TRIM2: variants seen among roughly 807,000 people sequenced by gnomAD.
The protein encoded by TRIM2 is tripartite motif-containing protein 2.
Under a neutral mutation model 75.2 loss-of-function variants are expected in TRIM2, and 20 were observed. The ratio of observed to expected loss-of-function variants is 0.27; its 90% confidence interval spans 0.19 to 0.39. The LOEUF (loss-of-function observed/expected upper bound fraction) is 0.39, where lower values mean the gene tolerates loss of function less well. Ranked by LOEUF, TRIM2 falls within the 10% of genes least tolerant of loss-of-function variation. TRIM2 has a pLI of 1.00. For synonymous variants in TRIM2, 373 were observed against 388.3 expected, an observed-to-expected ratio of 0.96 and a Z score of 0.46; for missense variants, 660 against 990.8, an observed-to-expected ratio of 0.67 and a Z score of 4.48.
intron 1 of TRIM2, among the ~76,000 whole-genome samples, chr4:153,183,687 T>C (rs1310184056): frequency 6.6e-6 from 1 of 152,126 alleles, no homozygotes; most frequent in Non-Finnish European, 1.5e-5. Flanking sequence ...GATCAGTGTA[T>C]CTGAGTTTGT....
chr4:153,334,382 C>CT (rs1161725031), intron 11 of TRIM2, among the ~76,000 whole-genome samples: 106 of 137,316 alleles, frequency 7.7e-4, no homozygotes, highest in African/African-American at 8.3e-4. Flanking sequence ...TTTTGTTTTG[C>CT]TTTTTTTTTT....
chr4:153,315,954 T>C lies in TRIM2; in HGVS notation c.1737T>C (p.Tyr579=). The change falls in exon 8 of 12, where the codon TAT becomes TAC. Residue 579 remains tyrosine, a synonymous_variant. Coordinates refer to ENST00000338700, the MANE Select transcript of TRIM2 (RefSeq NM_015271.5). ...HPSGDIIIAD[Y]DNKWVSIFSS... is the part of the protein sequence containing the mutation. ...GTGGGGACATAATCATTGCCGATTA[T>C]GATAATAAATGGGTCAGCATTTTCT... 1 of 1,600,388 alleles carries C rather than the reference T, an allele frequency of 6.2e-7. No homozygotes were observed. Among genetic ancestry groups the C allele is most frequent in the Non-Finnish European group, 8.5e-7 (1 of 1,175,148 alleles).
chr4:153,317,172 G>C (rs1000872697), intron 8 of TRIM2, among the ~76,000 whole-genome samples: 1 of 150,162 alleles, frequency 6.7e-6, no homozygotes, highest in Non-Finnish European at 1.5e-5. Flanking sequence ...GAGCCACCAC[G>C]CCTGGCCGCA....
intron 3 of TRIM2, among the ~76,000 whole-genome samples, chr4:153,286,074 A>G (rs1211140330): frequency 6.6e-6 from 1 of 152,204 alleles, no homozygotes; most frequent in Non-Finnish European, 1.5e-5. Context: ...CTTTTCCCAC[A>G]TTAATTCAGA....
chr4:153,262,088 T>C (rs1458935845), intron 1 of TRIM2, among the ~76,000 whole-genome samples: 1 of 152,232 alleles, frequency 6.6e-6, no homozygotes, highest in East Asian at 1.9e-4. Context: ...GTGCCAACCT[T>C]CTTAGGCTTT....
chr4:153,217,915 A>G (rs2149737725), intron 1 of TRIM2, among the ~76,000 whole-genome samples: 1 of 152,346 alleles, frequency 6.6e-6, no homozygotes, highest in South Asian at 2.1e-4. Context: ...GTTAATGATC[A>G]TATGTAAAAT....
intron 1 of TRIM2, among the ~76,000 whole-genome samples, chr4:153,268,240 ACT>A (rs1451459615): frequency 1.3e-5 from 2 of 152,058 alleles, no homozygotes; most frequent in Non-Finnish European, 2.9e-5. Flanking sequence ...GGAGGTTCAG[ACT>A]CTTGCAGCCA....
At position 153,338,092 on chromosome 4, in the gene TRIM2, C is replaced by G. The variant is rs1772660788; in HGVS notation, c.*3126C>G. The G allele has an allele frequency of 1.0e-6, 1 of 985,780 alleles. No individual in the cohort carries two copies. The highest frequency in any genetic ancestry group is 1.2e-6 in the Non-Finnish European group (1 of 829,918). 61.1% of individuals were successfully genotyped at this position (985,780 alleles called of 1,614,324 possible). On this transcript the variant is annotated 3_prime_UTR_variant, in exon 12 of 12. Coordinates refer to ENST00000338700, the MANE Select transcript of TRIM2 (RefSeq NM_015271.5). ...TAATTTACTGTGACTAGATTTGAAG[C>G]AAATAAATACTCCAGATCCATGCAG... is the stretch of plus-strand genomic sequence containing the variant.
Position 153,322,761 on chromosome 4 carries a change from C to A in TRIM2, c.1896C>A (p.Asn632Lys). The stretch of plus-strand genomic sequence containing the variant: ...GCTGCGTGTTTATCTTCCAGCCAAA[C>A]GGGAAAATAGTCACCAGGTTTGGTA... ...KACCVFIFQP[N>K]GKIVTRFGSR... Residue 632 changes from asparagine to lysine, a missense_variant, in exon 9 of 12, where the codon AAC becomes AAA. Physicochemically the swap from Asn to Lys is moderately conservative, Grantham distance 94. Transcript: ENST00000338700. The A allele has an allele frequency of 6.2e-7, 1 of 1,614,176 alleles. No homozygotes were observed. The highest frequency in any genetic ancestry group is 2.2e-5 in the East Asian group (1 of 44,878).
At chr4:153,261,414 C>T (rs533559233) in intron 1 of TRIM2, among the ~76,000 whole-genome samples, 1 of 151,998 alleles carries the variant, frequency 6.6e-6, no homozygotes, top group East Asian at 1.9e-4. Flanking sequence ...CAGAGGGAGA[C>T]TCTGTCTTAG....
intron 1 of TRIM2, among the ~76,000 whole-genome samples, chr4:153,217,985 C>T (rs927055531): frequency 2.0e-5 from 3 of 152,160 alleles, no homozygotes; most frequent in African/African-American, 7.2e-5. Flanking sequence ...TTATTTTCTT[C>T]CTATCATTTG....
At position 153,295,414 on chromosome 4, in the gene TRIM2, G is replaced by A; in HGVS notation, c.888G>A (p.Glu296=). The change falls in exon 6 of 12, where the codon GAG becomes GAA. Residue 296 remains glutamate (E), a synonymous_variant. Coordinates refer to ENST00000338700, the MANE Select transcript of TRIM2 (RefSeq NM_015271.5). The surrounding 1 kb of genome is among the most constrained non-coding windows in gnomAD (Gnocchi z 7.2). ...CCCTCAACCATGGCACGGAGACCGA[G>A]GTCCTACTGGTGAAGAAGCAGATGA... is the stretch of plus-strand genomic sequence containing the variant. The part of the protein sequence containing the change: ...AQALNHGTET[E]VLLVKKQMSE... 1 of 1,614,138 alleles carries A rather than the reference G, an allele frequency of 6.2e-7. No homozygotes were observed. Among genetic ancestry groups the A allele is most frequent in the Non-Finnish European group, 8.5e-7 (1 of 1,180,004 alleles).
At chr4:153,186,662 A>G (rs968817843) in intron 1 of TRIM2, among the ~76,000 whole-genome samples, 4 of 152,142 alleles carry the variant, frequency 2.6e-5, no homozygotes, top group African/African-American at 9.7e-5. Context: ...TCTTGTCCCC[A>G]CTGCCAAGTC....
intron 6 of TRIM2, among the ~76,000 whole-genome samples, 185 bp downstream of exon 6, chr4:153,296,221 T>C (rs902084565): frequency 6.6e-6 from 1 of 152,178 alleles, no homozygotes; most frequent in Non-Finnish European, 1.5e-5. Flanking sequence ...AGAGATGGTA[T>C]TTCCTTCTCC....
intron 11 of TRIM2, among the ~76,000 whole-genome samples, chr4:153,330,640 T>C (rs1002323785): frequency 6.6e-6 from 1 of 152,188 alleles, no homozygotes; most frequent in African/African-American, 2.4e-5. Context: ...ATCATATCAA[T>C]TGACACTGAA....
At chr4:153,332,309 A>T (rs1771639782) in intron 11 of TRIM2, among the ~76,000 whole-genome samples, 1 of 152,242 alleles carries the variant, frequency 6.6e-6, no homozygotes, top group Non-Finnish European at 1.5e-5. Context: ...AAAGATTCTC[A>T]AGACTCAGCA....
intron 1 of TRIM2, among the ~76,000 whole-genome samples, chr4:153,265,178 A>T (rs891599580): frequency 6.6e-6 from 1 of 152,034 alleles, no homozygotes; most frequent in Non-Finnish European, 1.5e-5. Flanking sequence ...AAAAAGGAAT[A>T]AAGTCCAATA....
At position 153,180,795 on chromosome 4, in the gene TRIM2, A is replaced by G. The variant is rs114071814; in HGVS notation, c.-49+27525A>G. Among the ~76,000 whole-genome samples the G allele has an allele frequency of 7.8e-3, 1,183 of 152,324 alleles. 9 individuals carry two copies. Among genetic ancestry groups the G allele is most frequent in the African/African-American group, 0.027 (1,108 of 41,572 alleles). ...ACCTGGCCACCTAGAAATATTTTTA[A>G]GAGTCCCTTGGGAAAAGTACTAACA... On this transcript the variant is annotated intron_variant, in intron 1 of 11. Coordinates refer to the TRIM2 transcript ENST00000437508.
At chr4:153,244,144 G>GTTCTTGTTCTTC (rs1553972523) in intron 1 of TRIM2, among the ~76,000 whole-genome samples, 1 of 130,092 alleles carries the variant, frequency 7.7e-6, no homozygotes, top group Non-Finnish European at 1.6e-5. Flanking sequence ...TCTTCTTCTT[G>GTTCTTGTTCTTC]TTCTTCTTGT....
Sources: allele counts gnomAD v4.1 joint callset (sites outside exome capture counted in the v4.1 genomes callset), GRCh38; gene constraint gnomAD v4.1.1; non-coding constraint Gnocchi (gnomAD v3.1); transcripts MANE v1.5; gene names NCBI Gene and HGNC (gene_info 2026-07-23, HGNC 2026-07-21).